The following RNF130 variants were observed in gnomAD, a reference collection of about 807,000 sequenced individuals.
The protein encoded by RNF130 is E3 ubiquitin-protein ligase RNF130.
In RNF130, 21 loss-of-function variants were observed where a neutral mutation model predicts 44.6. That is an observed-to-expected ratio of 0.47 (90% CI 0.33 to 0.68). The LOEUF is 0.68. RNF130 is among the 30% of genes least tolerant of loss of function. RNF130 has a pLI of 0.02. For synonymous variants in RNF130, 214 were observed against 210.4 expected, an observed-to-expected ratio of 1.02 and a Z score of -0.15; for missense variants, 479 against 560.6, an observed-to-expected ratio of 0.85 and a Z score of 1.47.
At chr5:179,990,405 C>T (rs1449115183) in intron 3 of RNF130, among the ~76,000 whole-genome samples, 1 of 152,214 alleles carries the variant, frequency 6.6e-6, no homozygotes, top group Admixed American at 6.5e-5. Context: ...TTTGCTATTG[C>T]TATCTAGAGG....
chr5:179,950,858 T>C (rs922226189), downstream of RNF130, among the ~76,000 whole-genome samples: 1 of 152,038 alleles, frequency 6.6e-6, no homozygotes, highest in Non-Finnish European at 1.5e-5. Flanking sequence ...TGAAGGAAAA[T>C]AATGAATCAC....
intron 2 of RNF130, among the ~76,000 whole-genome samples, chr5:180,033,312 T>C (rs368879412): frequency 3.5e-4 from 53 of 152,198 alleles, no homozygotes; most frequent in Admixed American, 3.3e-3. Flanking sequence ...TCAGTAATGT[T>C]TGTAGGTTCA....
chr5:180,059,085 T>C (rs1764908204), intron 1 of RNF130, among the ~76,000 whole-genome samples: 1 of 152,188 alleles, frequency 6.6e-6, no homozygotes, highest in Non-Finnish European at 1.5e-5. Context: ...AAACACTGAC[T>C]TTTTCAACTC....
chr5:179,961,504 T>C (rs927062218), intron 8 of RNF130, among the ~76,000 whole-genome samples: 1 of 152,222 alleles, frequency 6.6e-6, no homozygotes, highest in Admixed American at 6.5e-5. Context: ...GTAACATGTC[T>C]ACTGAGCACT....
At chr5:179,926,087 A>C (rs1472070231) in intron 7 of RNF130, among the ~76,000 whole-genome samples, 2 of 152,132 alleles carry the variant, frequency 1.3e-5, no homozygotes, top group African/African-American at 4.8e-5. Flanking sequence ...GGTGGGAGAA[A>C]GGCTAGGCAA....
chr5:179,923,982 T>C (rs1052901783), intron 7 of RNF130, among the ~76,000 whole-genome samples: 57 of 152,244 alleles, frequency 3.7e-4, no homozygotes, highest in African/African-American at 1.3e-3. Context: ...ATTTCAGTGC[T>C]AGCTCATGAG....
At chr5:180,063,456 G>A (rs1765032287) in intron 1 of RNF130, among the ~76,000 whole-genome samples, 1 of 152,206 alleles carries the variant, frequency 6.6e-6, no homozygotes, top group South Asian at 2.1e-4. Flanking sequence ...AGCAGTGGTA[G>A]CAGATAGGGA....
intron 3 of RNF130, among the ~76,000 whole-genome samples, chr5:179,985,047 C>T (rs965494203): frequency 2.6e-5 from 4 of 151,976 alleles, no homozygotes; most frequent in African/African-American, 9.7e-5. Flanking sequence ...CATGGAAACA[C>T]CCATTTCCAT....
intron 5 of RNF130, among the ~76,000 whole-genome samples, chr5:179,971,604 C>T (rs1343532822): frequency 2.0e-5 from 3 of 152,150 alleles, no homozygotes; most frequent in Non-Finnish European, 2.9e-5. Context: ...CTCCTGACCT[C>T]GTGATCCGCC....
chr5:179,970,198 A>T (rs1250019192), intron 6 of RNF130, among the ~76,000 whole-genome samples: 1 of 152,134 alleles, frequency 6.6e-6, no homozygotes, highest in Non-Finnish European at 1.5e-5. Context: ...AGAGTTATTT[A>T]CCTTCTCTTC....
chr5:180,057,152 G>A (rs952572182), intron 1 of RNF130, among the ~76,000 whole-genome samples: 4 of 152,200 alleles, frequency 2.6e-5, no homozygotes, highest in Admixed American at 1.3e-4. Flanking sequence ...CATGTAATTA[G>A]AGGACTGAAA....
chr5:179,911,784 C>T (rs1288938988), exon 8 of RNF130: 1 of 152,158 alleles, frequency 6.6e-6, no homozygotes, highest in African/African-American at 2.4e-5. Context: ...CCATGCAGAC[C>T]AAGGAGCTGT....
chr5:179,962,173 C>A (rs1373978438), intron 8 of RNF130, among the ~76,000 whole-genome samples: 2 of 152,196 alleles, frequency 1.3e-5, no homozygotes, highest in African/African-American at 4.8e-5. Flanking sequence ...TAGTGGTTCA[C>A]CTGCTGGATG....
At chr5:179,930,776 T>C (rs767818842) in intron 7 of RNF130, among the ~76,000 whole-genome samples, 1 of 152,132 alleles carries the variant, frequency 6.6e-6, no homozygotes, top group Non-Finnish European at 1.5e-5. Flanking sequence ...TGGTGGCTCA[T>C]GCCTGTAATC....
intron 2 of RNF130, among the ~76,000 whole-genome samples, chr5:180,025,777 T>G (rs905179536): frequency 5.9e-5 from 9 of 152,220 alleles, no homozygotes; most frequent in African/African-American, 2.2e-4. Flanking sequence ...TCTGAGGTAG[T>G]TAAATCCATA....
chr5:179,967,007 T>C lies in RNF130; in HGVS notation c.949A>G (p.Asn317Asp). The C allele has an allele frequency of 9.9e-6, 16 of 1,610,812 alleles. No individual in the cohort carries two copies. The highest frequency in any genetic ancestry group is 1.4e-5 in the Non-Finnish European group (16 of 1,178,542). The change falls in exon 7 of 9, where the codon AAT (asparagine) becomes GAT (aspartate). Residue 317 changes from asparagine (N) to aspartate (D), a missense_variant. Physicochemically the swap from Asn to Asp is conservative, Grantham distance 23. Coordinates refer to ENST00000521389, the MANE Select transcript of RNF130 (RefSeq NM_018434.6). ...GCTACGTTATCAGTACATGGCAAAT[T>C]CGGCTGCAAAATATTTCCAGGTTAA... Reference protein sequence around the residue: ...NILKALGIVPNLPCTDNVAFD... With the variant: ...NILKALGIVPDLPCTDNVAFD...
intron 2 of RNF130, among the ~76,000 whole-genome samples, chr5:180,015,748 G>GAAAGGAGTAGGA (rs1763712897): frequency 2.0e-5 from 3 of 151,756 alleles, no homozygotes; most frequent in East Asian, 2.0e-4. Flanking sequence ...AAAGGAGTAG[G>GAAAGGAGTAGGA]AAAGGAGTAG....
chr5:179,942,545 C>T (rs897434917), intron 7 of RNF130, among the ~76,000 whole-genome samples: 13 of 152,172 alleles, frequency 8.5e-5, no homozygotes, highest in African/African-American at 2.7e-4. Flanking sequence ...AGCCTTGAAA[C>T]TGCAACCTTG....
intron 7 of RNF130, among the ~76,000 whole-genome samples, chr5:179,940,640 G>GT (rs1433580206): frequency 3.3e-5 from 5 of 151,426 alleles, no homozygotes; most frequent in Admixed American, 6.6e-5. Context: ...CTGCCTTTAA[G>GT]TTTTTCTGTG....
Sources: gnomAD v4.1 joint callset for allele counts (sites outside exome capture counted in the v4.1 genomes callset) on GRCh38, gnomAD v4.1.1 for gene constraint, MANE v1.5 for transcripts, NCBI Gene and HGNC (gene_info 2026-07-23, HGNC 2026-07-21) for gene names.